Variants in DHRS3 observed in about 807,000 individuals in gnomAD.
DHRS3 encodes short-chain dehydrogenase/reductase 3.
A neutral mutation model predicts 27.2 loss-of-function variants in DHRS3; 14 were observed. That is an observed-to-expected ratio of 0.52 (90% CI 0.34 to 0.81). The LOEUF is 0.81. DHRS3 is among the 30% of genes least tolerant of loss of function. The pLI, the probability that DHRS3 is intolerant of heterozygous loss-of-function variation, is 0.01. For missense variants in DHRS3, 322 were observed against 406.2 expected (o/e 0.79, Z 1.78); for synonymous variants, 165 against 175.9 (o/e 0.94, Z 0.49).
At chr1:12,576,610 T>G (rs2100652669) in intron 4 of DHRS3, among the ~76,000 whole-genome samples, 1 of 150,480 alleles carries the variant, frequency 6.6e-6, no homozygotes, top group Middle Eastern at 3.5e-3. Flanking sequence ...TGCACTTCTG[T>G]CCAGTATGCA....
At chr1:12,598,437 G>C (rs1646813458) in intron 1 of DHRS3, among the ~76,000 whole-genome samples, 1 of 152,084 alleles carries the variant, frequency 6.6e-6, no homozygotes, top group Non-Finnish European at 1.5e-5. Context: ...ATTTATTTAG[G>C]AGCTTCTCTG....
chr1:12,603,468 C>T (rs184353378), intron 1 of DHRS3, among the ~76,000 whole-genome samples: 110 of 152,282 alleles, frequency 7.2e-4, no homozygotes, highest in African/African-American at 2.4e-3. Context: ...TGATCTGGTC[C>T]GCAGGAAGGA....
intron 1 of DHRS3, among the ~76,000 whole-genome samples, chr1:12,588,005 T>A (rs1646712339): frequency 6.6e-6 from 1 of 152,260 alleles, no homozygotes. Flanking sequence ...TACACAGTGC[T>A]CTTGGCCCTG....
chr1:12,613,894 C>T (rs979445956), intron 1 of DHRS3, among the ~76,000 whole-genome samples: 3 of 152,092 alleles, frequency 2.0e-5, no homozygotes, highest in Admixed American at 6.5e-5. Flanking sequence ...CTCAGCCTCC[C>T]GAGTAGCTGG....
chr1:12,615,969 AG>A (rs1646941563), intron 1 of DHRS3, among the ~76,000 whole-genome samples: 1 of 152,196 alleles, frequency 6.6e-6, no homozygotes, highest in Non-Finnish European at 1.5e-5. Context: ...CAGCCCGGCT[AG>A]GGAAGAGTTA....
At chr1:12,595,266 G>C (rs1026326201) in intron 1 of DHRS3, among the ~76,000 whole-genome samples, 1 of 152,184 alleles carries the variant, frequency 6.6e-6, no homozygotes. Context: ...AGCTGCAGCC[G>C]GCTCGGTGCG....
At position 12,609,768 on chromosome 1, in the gene DHRS3, C is replaced by T. The variant is rs533588102; in HGVS notation, c.195+7386G>A. 2.6e-5 allele frequency among the ~76,000 whole-genome samples: 4 copies of T among 152,268 alleles called. No homozygotes were observed. The South Asian group carries it at 8.3e-4, about 32-fold the overall frequency. On this transcript the variant is annotated intron_variant, in intron 1 of 5. Transcript: ENST00000616661. ...TGAGTCGTGGGGCCAGCTAGGTCTA[C>T]CTGTCCTACATGGGAACCTGTCTCC...
intron 5 of DHRS3, among the ~76,000 whole-genome samples, chr1:12,571,158 G>A (rs2100640872): frequency 6.6e-6 from 1 of 152,350 alleles, no homozygotes; most frequent in East Asian, 1.9e-4. Flanking sequence ...GTGGCACCAG[G>A]GACAAGGATC....
At chr1:12,572,292 C>T (rs916308949) in intron 5 of DHRS3, among the ~76,000 whole-genome samples, 7 of 152,134 alleles carry the variant, frequency 4.6e-5, no homozygotes, top group Admixed American at 1.3e-4. Context: ...CTCAGCCTCC[C>T]GAGTAGCTAA....
At chr1:12,614,001 C>T (rs1250796988) in intron 1 of DHRS3, among the ~76,000 whole-genome samples, 2 of 152,040 alleles carry the variant, frequency 1.3e-5, no homozygotes, top group Non-Finnish European at 1.5e-5. Flanking sequence ...GAACTCCTGA[C>T]CTCAAGTGAT....
At chr1:12,595,152 G>A (rs990197328) in intron 1 of DHRS3, among the ~76,000 whole-genome samples, 3 of 152,124 alleles carry the variant, frequency 2.0e-5, no homozygotes, top group African/African-American at 7.2e-5. Flanking sequence ...TCCGGGGGAA[G>A]AGGCTGCCCC....
chr1:12,583,248 C>A (rs1646660856), intron 1 of DHRS3, among the ~76,000 whole-genome samples: 1 of 149,952 alleles, frequency 6.7e-6, no homozygotes, highest in African/African-American at 2.5e-5. Flanking sequence ...TACCCACTCA[C>A]CTACCCAACT....
intron 1 of DHRS3, among the ~76,000 whole-genome samples, chr1:12,604,277 GTCAC>G (rs1237491304): frequency 2.0e-5 from 3 of 152,176 alleles, no homozygotes; most frequent in Non-Finnish European, 4.4e-5. Context: ...GGAGGGAGCT[GTCAC>G]TCACTCTCTC....
At chr1:12,572,324 T>C (rs1646544855) in intron 5 of DHRS3, among the ~76,000 whole-genome samples, 1 of 152,154 alleles carries the variant, frequency 6.6e-6, no homozygotes, top group Non-Finnish European at 1.5e-5. Flanking sequence ...CCCACCACCA[T>C]GCCCAGCTAC....
chr1:12,602,806 C>T (rs917164545), intron 1 of DHRS3, among the ~76,000 whole-genome samples: 2 of 152,266 alleles, frequency 1.3e-5, no homozygotes, highest in Admixed American at 1.3e-4. Flanking sequence ...TAATCTACAG[C>T]ATTAGGCACT....
rs1476217307 is a variant in DHRS3, at chr1:12,578,143, T to G, written c.698+575A>C. ...TTCGCCCTGCACGACGCTGTGGAGG[T>G]GCATCTCCCTCATTTGACCTTTAGA... On this transcript the variant is annotated intron_variant, in intron 4 of 5. Transcript: ENST00000616661. The surrounding 1 kb of genome is among the most constrained non-coding windows in gnomAD (Gnocchi z 4.5). Among the ~76,000 whole-genome samples the G allele has an allele frequency of 1.3e-5, 2 of 152,132 alleles. No individual in the cohort carries two copies. The highest frequency in any genetic ancestry group is 4.8e-5 in the African/African-American group (2 of 41,420).
At chr1:12,610,278 G>A (rs1646900336) in intron 1 of DHRS3, among the ~76,000 whole-genome samples, 1 of 150,530 alleles carries the variant, frequency 6.6e-6, no homozygotes, top group Non-Finnish European at 1.5e-5. Flanking sequence ...TAGTAGAGAA[G>A]GAGGGTTTCA....
intron 1 of DHRS3, among the ~76,000 whole-genome samples, chr1:12,613,475 A>T (rs1159149992): frequency 6.6e-6 from 1 of 152,204 alleles, no homozygotes; most frequent in Non-Finnish European, 1.5e-5. Context: ...TACCCCAGGT[A>T]GGTTTGCTAA....
rs1646571949 is a variant in DHRS3 at position 12,574,924 on chromosome 1, C to T, written c.699-2071G>A. Among the ~76,000 whole-genome samples the T allele has an allele frequency of 6.6e-6, 1 of 152,146 alleles. No homozygotes were observed. Among genetic ancestry groups the T allele is most frequent in the Non-Finnish European group, 1.5e-5 (1 of 68,022 alleles). ...CTTCTCTGAGCCTCAGTTCCCTCAT[C>T]TGTAAAATGGGAATAAAAGCTCTCT... is the stretch of plus-strand genomic sequence containing the variant. On this transcript the variant is annotated intron_variant, in intron 4 of 5. Transcript: ENST00000616661. The surrounding 1 kb of genome is among the most constrained non-coding windows in gnomAD (Gnocchi z 4.6).
Sources: allele counts gnomAD v4.1 joint callset (sites outside exome capture counted in the v4.1 genomes callset), GRCh38; gene constraint gnomAD v4.1.1; non-coding constraint Gnocchi (gnomAD v3.1); transcripts MANE v1.5; gene names NCBI Gene and HGNC (gene_info 2026-07-23, HGNC 2026-07-21).